CELF2: variants seen among roughly 807,000 people sequenced by gnomAD.
CELF2 encodes the protein CUG triplet repeat RNA-binding protein 2.
Under a neutral mutation model 62.6 loss-of-function variants are expected in CELF2, and 8 were observed. The ratio of observed to expected loss-of-function variants is 0.13; its 90% confidence interval spans 0.07 to 0.23. CELF2 has a LOEUF of 0.23. Among genes scored for constraint, CELF2 ranks in the 10% least tolerant of loss-of-function variants. CELF2 has a pLI of 1.00. For synonymous variants in CELF2, 258 were observed against 250.0 expected (o/e 1.03, Z -0.30); for missense variants, 333 against 671.0 (o/e 0.50, Z 5.56).
intron 9 of CELF2, among the ~76,000 whole-genome samples, chr10:11,310,442 A>G (rs1431644745): frequency 1.3e-5 from 2 of 152,158 alleles, no homozygotes; most frequent in Non-Finnish European, 2.9e-5. Context: ...GATTTGATAA[A>G]TCTTCTTGAG....
At chr10:11,216,277 A>G in intron 2 of CELF2, among the ~76,000 whole-genome samples, 1 of 152,228 alleles carries the variant, frequency 6.6e-6, no homozygotes, top group East Asian at 1.9e-4. Context: ...GGATGTCTTT[A>G]GAAATCTTGT....
chr10:10,463,596 G>A, the CELF2 span, among the ~76,000 whole-genome samples: 51 of 151,840 alleles, frequency 3.4e-4, no homozygotes, highest in African/African-American at 1.2e-3. Context: ...CTCTTTTTTT[G>A]TACACTAAAC....
chr10:10,786,478 G>GAA, the CELF2 span, among the ~76,000 whole-genome samples: 1 of 144,414 alleles, frequency 6.9e-6, no homozygotes. Context: ...TGATCCATTT[G>GAA]AAAAAAAAAA....
the CELF2 span, among the ~76,000 whole-genome samples, chr10:10,576,223 C>G: frequency 1.3e-5 from 2 of 152,156 alleles, no homozygotes; most frequent in African/African-American, 4.8e-5. Flanking sequence ...AGTTCAAGGA[C>G]TAAGGGTCAA....
chr10:10,977,771 G>A (rs2051522965), intron 2 of CELF2, among the ~76,000 whole-genome samples: 1 of 152,172 alleles, frequency 6.6e-6, no homozygotes, highest in Non-Finnish European at 1.5e-5. Flanking sequence ...CCCTGGAATT[G>A]GATTAGGCTC....
intron 1 of CELF2, among the ~76,000 whole-genome samples, chr10:10,849,753 AC>A (rs2059260439): frequency 2.0e-5 from 3 of 152,138 alleles, no homozygotes; most frequent in Admixed American, 6.6e-5. Context: ...ATATATTATG[AC>A]CAAATAGTTT....
intron 4 of CELF2, among the ~76,000 whole-genome samples, chr10:11,253,719 G>C (rs1380990654): frequency 6.6e-6 from 1 of 152,080 alleles, no homozygotes; most frequent in Admixed American, 6.5e-5. Context: ...TGTATTTAAA[G>C]TATTAACCCA....
chr10:10,584,318 C>T, the CELF2 span, among the ~76,000 whole-genome samples: 2 of 152,084 alleles, frequency 1.3e-5, no homozygotes, highest in Non-Finnish European at 2.9e-5. Flanking sequence ...ATTTACAGAC[C>T]ATAAAAGGGG....
chr10:10,483,914 C>T, the CELF2 span, among the ~76,000 whole-genome samples: 2 of 149,886 alleles, frequency 1.3e-5, no homozygotes, highest in African/African-American at 4.9e-5. Flanking sequence ...CTCTGTGTCT[C>T]ATCTCTCTCT....
At chr10:11,084,871 G>A (rs2075007769) in intron 1 of CELF2, among the ~76,000 whole-genome samples, 1 of 152,162 alleles carries the variant, frequency 6.6e-6, no homozygotes, top group Non-Finnish European at 1.5e-5. Context: ...AAGGTCATCA[G>A]TATATACGCT....
intron 2 of CELF2, among the ~76,000 whole-genome samples, chr10:11,196,772 A>G (rs1189167450): frequency 4.6e-5 from 7 of 151,922 alleles, no homozygotes. Flanking sequence ...CCAGACCAAC[A>G]TGGTGAAACC....
At chr10:11,275,649 T>G (rs1424969938) in intron 8 of CELF2, among the ~76,000 whole-genome samples, 9 of 152,330 alleles carry the variant, frequency 5.9e-5, no homozygotes, top group Middle Eastern at 6.8e-3. Context: ...GTTGACAGAA[T>G]CATGCATCAG....
the CELF2 span, among the ~76,000 whole-genome samples, chr10:10,502,600 G>T: frequency 6.6e-6 from 1 of 151,742 alleles, no homozygotes; most frequent in Non-Finnish European, 1.5e-5. Flanking sequence ...TTTGATATCT[G>T]CATGGTCTGT....
intron 1 of CELF2, among the ~76,000 whole-genome samples, chr10:10,903,436 C>G (rs963493218): frequency 5.3e-5 from 8 of 152,118 alleles, no homozygotes; most frequent in African/African-American, 1.9e-4. Flanking sequence ...ATGGAACTTT[C>G]CAATAAGCAA....
At chr10:10,714,145 C>A in the CELF2 span, among the ~76,000 whole-genome samples, 1 of 152,158 alleles carries the variant, frequency 6.6e-6, no homozygotes, top group African/African-American at 2.4e-5. Flanking sequence ...AAAGACATCG[C>A]TCCCCCAAAA....
At chr10:10,627,190 A>G in the CELF2 span, among the ~76,000 whole-genome samples, 3 of 152,226 alleles carry the variant, frequency 2.0e-5, no homozygotes, top group Admixed American at 6.5e-5. Context: ...AGAGAGGTTC[A>G]CAGGAGTTTA....
intron 1 of CELF2, among the ~76,000 whole-genome samples, chr10:11,006,501 C>T (rs1257225740): frequency 2.0e-5 from 3 of 152,182 alleles, no homozygotes; most frequent in Non-Finnish European, 2.9e-5. Flanking sequence ...ATCATTCTGG[C>T]AAATGCCTTG....
intron 1 of CELF2, among the ~76,000 whole-genome samples, chr10:10,835,965 G>A (rs1375446680): frequency 6.6e-6 from 1 of 152,140 alleles, no homozygotes; most frequent in Non-Finnish European, 1.5e-5. Context: ...TGAAAGATTA[G>A]GGGGTGATTT....
At chr10:10,491,369 CT>C in the CELF2 span, among the ~76,000 whole-genome samples, 3 of 152,276 alleles carry the variant, frequency 2.0e-5, no homozygotes, top group East Asian at 5.8e-4. Flanking sequence ...ATGAGGTTTC[CT>C]GCAGTATGTG....
Sources: allele counts gnomAD v4.1 joint callset (sites outside exome capture counted in the v4.1 genomes callset), GRCh38; gene constraint gnomAD v4.1.1; transcripts MANE v1.5; gene names NCBI Gene and HGNC (gene_info 2026-07-23, HGNC 2026-07-21).